MGAT4C: variants seen among roughly 807,000 people sequenced by gnomAD.
MGAT4C encodes alpha-1,3-mannosyl-glycoprotein 4-beta-N-acetylglucosaminyltransferase C.
A neutral mutation model predicts 40.1 loss-of-function variants in MGAT4C; 19 were observed. The observed-to-expected ratio is 0.47, with a 90% CI of 0.33 to 0.70. The LOEUF (loss-of-function observed/expected upper bound fraction) is 0.70, where lower values mean the gene tolerates loss of function less well. Among genes scored for constraint, MGAT4C ranks in the 30% least tolerant of loss-of-function variants. The pLI is 0.02. For synonymous variants in MGAT4C, 181 were observed against 187.1 expected (o/e 0.97, Z 0.27); for missense variants, 491 against 563.2 (o/e 0.87, Z 1.30).
At chr12:85,992,257 C>T (rs1886038617) in intron 2 of MGAT4C, among the ~76,000 whole-genome samples, 1 of 152,186 alleles carries the variant, frequency 6.6e-6, no homozygotes, top group Non-Finnish European at 1.5e-5. Context: ...ACTGTCAATC[C>T]TCTATCACCT....
intron 2 of MGAT4C, among the ~76,000 whole-genome samples, chr12:86,564,388 G>A (rs569173876): frequency 2.0e-5 from 3 of 152,174 alleles, no homozygotes; most frequent in African/African-American, 7.2e-5. Flanking sequence ...TGTACCTCAG[G>A]GGTATATCAA....
At chr12:86,128,655 A>G (rs1160360330) in intron 1 of MGAT4C, among the ~76,000 whole-genome samples, 1 of 152,250 alleles carries the variant, frequency 6.6e-6, no homozygotes, top group African/African-American at 2.4e-5. Context: ...TAAGTGATAA[A>G]GAAGGAAAAT....
intron 2 of MGAT4C, among the ~76,000 whole-genome samples, chr12:86,608,125 A>T (rs774889786): frequency 5.9e-5 from 9 of 152,168 alleles, no homozygotes; most frequent in Non-Finnish European, 1.2e-4. Context: ...ACTAGTACAT[A>T]GTTCCTGCCT....
At chr12:86,830,075 C>T (rs1019355740) in intron 1 of MGAT4C, among the ~76,000 whole-genome samples, 3 of 151,414 alleles carry the variant, frequency 2.0e-5, no homozygotes, top group Non-Finnish European at 4.4e-5. Flanking sequence ...CAAGTATATA[C>T]ACATATGTCC....
intron 1 of MGAT4C, among the ~76,000 whole-genome samples, chr12:86,083,304 C>T (rs1871182685): frequency 6.6e-6 from 1 of 152,094 alleles, no homozygotes; most frequent in Admixed American, 6.6e-5. Flanking sequence ...TGCCCCTGGA[C>T]TCAACCTTCT....
At chr12:86,793,467 A>AT (rs1952060847) in intron 1 of MGAT4C, among the ~76,000 whole-genome samples, 1 of 152,070 alleles carries the variant, frequency 6.6e-6, no homozygotes, top group Non-Finnish European at 1.5e-5. Context: ...GTTTATATTT[A>AT]TTTTTTCTAA....
At chr12:86,565,602 C>A (rs1055725297) in intron 2 of MGAT4C, among the ~76,000 whole-genome samples, 1 of 152,054 alleles carries the variant, frequency 6.6e-6, no homozygotes, top group African/African-American at 2.4e-5. Flanking sequence ...TGGGCTGTAC[C>A]CAATGGCGTG....
At chr12:86,062,878 A>T (rs1345089896) in intron 1 of MGAT4C, among the ~76,000 whole-genome samples, 1 of 152,138 alleles carries the variant, frequency 6.6e-6, no homozygotes, top group Non-Finnish European at 1.5e-5. Flanking sequence ...ACTAGGTGAA[A>T]AGACCAAATC....
chr12:86,113,488 T>C (rs960284417), intron 1 of MGAT4C, among the ~76,000 whole-genome samples: 2 of 151,486 alleles, frequency 1.3e-5, no homozygotes, highest in African/African-American at 4.8e-5. Context: ...TTAGGTAAGA[T>C]AGAAGAAATA....
intron 4 of MGAT4C, among the ~76,000 whole-genome samples, chr12:85,980,947 G>C (rs938695660): frequency 3.3e-5 from 5 of 151,978 alleles, no homozygotes; most frequent in Admixed American, 6.6e-5. Flanking sequence ...ATTTTTTATA[G>C]AACACATCAC....
chr12:86,160,367 G>A (rs974514067), intron 1 of MGAT4C, among the ~76,000 whole-genome samples: 1 of 151,794 alleles, frequency 6.6e-6, no homozygotes, highest in African/African-American at 2.4e-5. Context: ...TGTAGTATTG[G>A]GAATATTGTG....
At chr12:86,753,380 C>CT (rs1951253940) in intron 1 of MGAT4C, among the ~76,000 whole-genome samples, 2 of 152,102 alleles carry the variant, frequency 1.3e-5, no homozygotes, top group East Asian at 3.9e-4. Context: ...TTAAGGGATA[C>CT]TTTTAGTTAA....
At chr12:86,607,396 T>C (rs1962079536) in intron 2 of MGAT4C, among the ~76,000 whole-genome samples, 1 of 152,166 alleles carries the variant, frequency 6.6e-6, no homozygotes, top group Admixed American at 6.6e-5. Context: ...CCTTTCAATG[T>C]ACATACAACA....
At chr12:86,297,038 T>C (rs1410465380) in intron 4 of MGAT4C, among the ~76,000 whole-genome samples, 1 of 152,180 alleles carries the variant, frequency 6.6e-6, no homozygotes, top group Non-Finnish European at 1.5e-5. Flanking sequence ...TAATTTTCCC[T>C]GGAAAAGAAA....
chr12:86,243,233 CAA>C (rs1951861357), intron 1 of MGAT4C, among the ~76,000 whole-genome samples: 1 of 152,146 alleles, frequency 6.6e-6, no homozygotes, highest in Non-Finnish European at 1.5e-5. Flanking sequence ...TTTTCTCAAT[CAA>C]AATTATTCTT....
chr12:85,990,794 T>C (rs1885821678), intron 2 of MGAT4C, among the ~76,000 whole-genome samples: 2 of 152,220 alleles, frequency 1.3e-5, no homozygotes, highest in Non-Finnish European at 2.9e-5. Flanking sequence ...ATTTTTCTTA[T>C]AAATTTGTAG....
intron 2 of MGAT4C, among the ~76,000 whole-genome samples, chr12:86,536,010 CA>C: frequency 6.6e-6 from 1 of 152,032 alleles, no homozygotes; most frequent in Non-Finnish European, 1.5e-5. Context: ...CATTTGTATA[CA>C]ACTATAATGA....
intron 4 of MGAT4C, among the ~76,000 whole-genome samples, chr12:86,288,028 T>A (rs1478379090): frequency 6.6e-6 from 1 of 152,226 alleles, no homozygotes; most frequent in Non-Finnish European, 1.5e-5. Context: ...CCTGACTTTT[T>A]AATGATCACT....
chr12:86,048,572 TAATA>T (rs1480046263), intron 2 of MGAT4C, among the ~76,000 whole-genome samples: 2 of 151,848 alleles, frequency 1.3e-5, no homozygotes, highest in African/African-American at 2.4e-5. Flanking sequence ...AGATTCAAAG[TAATA>T]AATAATGAAA....
Sources: allele counts gnomAD v4.1 joint callset (sites outside exome capture counted in the v4.1 genomes callset), GRCh38; gene constraint gnomAD v4.1.1; transcripts MANE v1.5; gene names NCBI Gene and HGNC (gene_info 2026-07-23, HGNC 2026-07-21).